Variants in PRKAR2A observed in about 807,000 individuals in gnomAD.
The protein encoded by PRKAR2A is protein kinase cAMP-dependent type II regulatory subunit alpha.
PRKAR2A carries 29 observed loss-of-function variants against 51.9 expected under a neutral mutation model. The observed-to-expected ratio is 0.56, with a 90% CI of 0.42 to 0.76. The LOEUF is 0.76. Among genes scored for constraint, PRKAR2A ranks in the 30% least tolerant of loss-of-function variants. The probability of loss-of-function intolerance (pLI) is 0.00; values close to 1 mark genes in which losing one functional copy is unlikely to be tolerated. For missense variants in PRKAR2A, 445 were observed against 512.1 expected (o/e 0.87, Z 1.26); for synonymous variants, 178 against 186.2 (o/e 0.96, Z 0.36).
At position 48,752,983 on chromosome 3, in the gene PRKAR2A, A is replaced by G. The variant is rs1048119518; in HGVS notation, c.940-666T>C. Among the ~76,000 whole-genome samples the G allele has an allele frequency of 3.6e-5, 4 of 111,576 alleles. No homozygotes were observed. The East Asian group carries it at 1.3e-3, about 36-fold the overall frequency. 73.2% of individuals were successfully genotyped at this position (111,576 alleles called of 152,430 possible). ...AGTCTCGCTCTGTCGCCCAGGCTGG[A>G]GTGCAGTGGCGCAATATCCGCTCAC... On this transcript the variant is annotated intron_variant, in intron 9 of 10. Coordinates refer to ENST00000265563, the MANE Select transcript of PRKAR2A (RefSeq NM_004157.4).
intron 2 of PRKAR2A, among the ~76,000 whole-genome samples, chr3:48,795,637 A>C (rs576584497): frequency 6.6e-6 from 1 of 152,164 alleles, no homozygotes; most frequent in Admixed American, 6.5e-5. Flanking sequence ...CCCTGTTTCA[A>C]GTTATTCTCC....
At chr3:48,761,910 AC>A (rs1202458112) in intron 8 of PRKAR2A, among the ~76,000 whole-genome samples, 1 of 152,198 alleles carries the variant, frequency 6.6e-6, no homozygotes, top group Admixed American at 6.6e-5. Context: ...GGCGTGAGCC[AC>A]CCTGCCTGAC....
chr3:48,788,616 G>A (rs2082333688), intron 4 of PRKAR2A, among the ~76,000 whole-genome samples: 1 of 152,304 alleles, frequency 6.6e-6, no homozygotes, highest in Middle Eastern at 3.4e-3. Context: ...GACTCCCAAT[G>A]TGATGGTATT....
At chr3:48,779,780 AAAATAAAT>A (rs199753996) in intron 5 of PRKAR2A, among the ~76,000 whole-genome samples, 77,086 of 135,742 alleles carry the variant, frequency 0.57, 22,596 homozygotes, top group East Asian at 0.87. Context: ...ACTCCGTCTC[AAAATAAAT>A]AAATAAATAA....
chr3:48,758,274 A>T (rs978237094), intron 8 of PRKAR2A, among the ~76,000 whole-genome samples: 1 of 150,702 alleles, frequency 6.6e-6, no homozygotes, highest in African/African-American at 2.4e-5. Context: ...AAAAAAGAAA[A>T]AAAGAAAAAA....
chr3:48,828,895 G>A (rs1038816847), intron 1 of PRKAR2A, among the ~76,000 whole-genome samples: 4 of 151,506 alleles, frequency 2.6e-5, no homozygotes, highest in Non-Finnish European at 5.9e-5. Context: ...GTGCAGTAGC[G>A]CGATCTCAGC....
At chr3:48,804,199 A>G (rs2082634615) in intron 2 of PRKAR2A, among the ~76,000 whole-genome samples, 1 of 152,146 alleles carries the variant, frequency 6.6e-6, no homozygotes, top group Admixed American at 6.6e-5. Flanking sequence ...GGTGGCTCAC[A>G]CCTGTAAAAC....
chr3:48,828,799 G>A (rs1172899065), intron 1 of PRKAR2A, among the ~76,000 whole-genome samples: 9 of 150,578 alleles, frequency 6.0e-5, no homozygotes, highest in Non-Finnish European at 1.5e-5. Flanking sequence ...CAGGTGCAGT[G>A]GTTCATGCCC....
chr3:48,752,916 C>CTGTT (rs2081678910), intron 9 of PRKAR2A, among the ~76,000 whole-genome samples: 1 of 47,496 alleles, frequency 2.1e-5, no homozygotes, highest in Non-Finnish European at 3.5e-5. Flanking sequence ...TTCCCTCCTC[C>CTGTT]TTTTTTTTTT....
At chr3:48,808,739 A>T (rs1575912106) in intron 1 of PRKAR2A, among the ~76,000 whole-genome samples, 1 of 90,448 alleles carries the variant, frequency 1.1e-5, no homozygotes, top group Admixed American at 1.5e-4. Context: ...CTGGTCATGA[A>T]CTCCTGACCT....
intron 1 of PRKAR2A, among the ~76,000 whole-genome samples, chr3:48,819,942 CTTG>C (rs1283559364): frequency 1.3e-5 from 2 of 152,148 alleles, no homozygotes; most frequent in African/African-American, 2.4e-5. Flanking sequence ...ATGTGAAGTC[CTTG>C]TGGGACTTCA....
At chr3:48,786,626 T>C (rs1439706189) in intron 4 of PRKAR2A, among the ~76,000 whole-genome samples, 1 of 149,582 alleles carries the variant, frequency 6.7e-6, no homozygotes, top group African/African-American at 2.4e-5. Flanking sequence ...TGAAACCCCA[T>C]CTCTACTAAA....
rs963124849 is a variant in PRKAR2A, at chr3:48,847,014, T to C, written c.262+321A>G. Among the ~76,000 whole-genome samples the C allele has an allele frequency of 6.6e-6, 1 of 152,236 alleles. No individual in the cohort carries two copies. The highest frequency in any genetic ancestry group is 1.5e-5 in the Non-Finnish European group (1 of 68,050). On this transcript the variant is annotated intron_variant, in intron 1 of 10. Transcript: ENST00000265563. This position sits in a 1 kb window ranked among gnomAD's most constrained non-coding sequence, Gnocchi z 4.4. ...TCACTGGATGAGAACGCTGTTGTCT[T>C]CGAAGCCAAAACTGGTGAAGGGTCT...
intron 8 of PRKAR2A, among the ~76,000 whole-genome samples, chr3:48,760,580 G>A (rs2081848564): frequency 6.6e-6 from 1 of 151,296 alleles, no homozygotes; most frequent in African/African-American, 2.4e-5. Context: ...CCAGCACTTT[G>A]GGAGGCCGAG....
chr3:48,783,767 G>T (rs2082244936), intron 4 of PRKAR2A, among the ~76,000 whole-genome samples: 1 of 152,100 alleles, frequency 6.6e-6, no homozygotes, highest in Non-Finnish European at 1.5e-5. Flanking sequence ...TTTTAGTAGA[G>T]ACAGGGTTTT....
intron 2 of PRKAR2A, among the ~76,000 whole-genome samples, chr3:48,803,088 G>C (rs1452921850): frequency 6.6e-6 from 1 of 152,110 alleles, no homozygotes; most frequent in Non-Finnish European, 1.5e-5. Context: ...TTTTGAGAAG[G>C]GGAAGGTATG....
At chr3:48,764,679 C>A (rs2081911674) in intron 8 of PRKAR2A, among the ~76,000 whole-genome samples, 1 of 152,088 alleles carries the variant, frequency 6.6e-6, no homozygotes, top group African/African-American at 2.4e-5. Flanking sequence ...AGGCTGGAGG[C>A]AGTGGCGCAA....
intron 1 of PRKAR2A, among the ~76,000 whole-genome samples, chr3:48,829,378 G>A (rs1575942011): frequency 6.6e-6 from 1 of 151,262 alleles, no homozygotes; most frequent in African/African-American, 2.4e-5. Context: ...AATTAGCTGC[G>A]CATGGTGGCA....
At chr3:48,824,122 T>G (rs2083017275) in intron 1 of PRKAR2A, among the ~76,000 whole-genome samples, 1 of 152,100 alleles carries the variant, frequency 6.6e-6, no homozygotes, top group Admixed American at 6.6e-5. Context: ...GCACCTGTAA[T>G]CACAGCTACT....
Sources: allele counts gnomAD v4.1 joint callset (sites outside exome capture counted in the v4.1 genomes callset), GRCh38; gene constraint gnomAD v4.1.1; non-coding constraint Gnocchi (gnomAD v3.1); transcripts MANE v1.5; gene names NCBI Gene and HGNC (gene_info 2026-07-23, HGNC 2026-07-21).